ANKFY1: variants seen among roughly 807,000 people sequenced by gnomAD.
ANKFY1 encodes the protein ankyrin repeat and FYVE domain-containing protein 1.
In ANKFY1, 47 loss-of-function variants were observed where a neutral mutation model predicts 128.3. That is an observed-to-expected ratio of 0.37 (90% CI 0.29 to 0.47). The LOEUF is 0.47. Ranked by LOEUF, ANKFY1 falls within the 20% of genes least tolerant of loss-of-function variation. The probability of loss-of-function intolerance (pLI) is 1.00; values close to 1 mark genes in which losing one functional copy is unlikely to be tolerated. For missense variants in ANKFY1, 1,222 were observed against 1,510.6 expected (o/e 0.81, Z 3.17); for synonymous variants, 553 against 601.6 (o/e 0.92, Z 1.18).
At chr17:4,222,381 A>G in intron 3 of ANKFY1, 1 of 784,790 alleles carries the variant, frequency 1.3e-6, no homozygotes, top group Non-Finnish European at 2.4e-6. Context: ...TTAATCTGTT[A>G]GTACCCAGTG....
At chr17:4,224,968 G>A (rs2060399620) in intron 3 of ANKFY1, among the ~76,000 whole-genome samples, 1 of 149,290 alleles carries the variant, frequency 6.7e-6, no homozygotes. Context: ...AAATAAACTG[G>A]TAAATTTTGT....
chr17:4,235,733 C>G (rs767363125), intron 3 of ANKFY1, 39 bp downstream of exon 3: 1 of 1,449,550 alleles, frequency 6.9e-7, no homozygotes, highest in East Asian at 2.3e-5. Context: ...AGAGCCCTTC[C>G]GCTAGCAGTT....
chr17:4,243,079 TTTG>T lies in ANKFY1; in HGVS notation c.11-634_11-632del, dbSNP rs1178942031. On this transcript the variant is annotated intron_variant, in intron 1 of 24. Coordinates refer to ENST00000341657, the MANE Select transcript of ANKFY1 (RefSeq NM_001330063.2). ...TTTTTGTTTTTTGTTTGTTTGTTTGTTTGTTTGAGACAGAGTCTTGCTCTGTCA... is the reference window on the plus strand; with the variant it reads ...TTTTTGTTTTTTGTTTGTTTGTTTGTTTTGAGACAGAGTCTTGCTCTGTCA... Among the ~76,000 whole-genome samples, 813 of 152,238 alleles carry T rather than the reference TTTG, an allele frequency of 5.3e-3. 6 individuals are homozygous for T. Among genetic ancestry groups the T allele is most frequent in the African/African-American group, 0.018 (763 of 41,526 alleles).
intron 10 of ANKFY1, among the ~76,000 whole-genome samples, chr17:4,192,391 C>T (rs868479434): frequency 4.5e-5 from 6 of 133,370 alleles, no homozygotes; most frequent in Admixed American, 7.5e-5. Context: ...TAGTTGATGG[C>T]TGCTCTAATC....
At chr17:4,223,901 C>G in intron 3 of ANKFY1, 1 of 651,106 alleles carries the variant, frequency 1.5e-6, no homozygotes, top group Non-Finnish European at 2.6e-6. Context: ...AACACCACGC[C>G]AACAGAAGCA....
chr17:4,194,103 A>ATATATATAT (rs1555627694), intron 10 of ANKFY1, among the ~76,000 whole-genome samples: 2 of 108,162 alleles, frequency 1.8e-5, no homozygotes, highest in Admixed American at 1.1e-4. Flanking sequence ...ATATATATAT[A>ATATATATAT]TTTTTTTTTT....
intron 3 of ANKFY1, among the ~76,000 whole-genome samples, chr17:4,226,254 G>C (rs1013809349): frequency 2.0e-5 from 3 of 152,160 alleles, no homozygotes; most frequent in Admixed American, 6.5e-5. Flanking sequence ...ATGCATAGTG[G>C]ATATCGCCTG....
chr17:4,261,350 G>A (rs1216750826), intron 1 of ANKFY1, among the ~76,000 whole-genome samples: 2 of 152,204 alleles, frequency 1.3e-5, no homozygotes, highest in African/African-American at 2.4e-5. Context: ...TATGATGGCG[G>A]GTGCCTGTAA....
intron 2 of ANKFY1, among the ~76,000 whole-genome samples, chr17:4,241,148 C>T (rs528498235): frequency 6.6e-6 from 1 of 152,226 alleles, no homozygotes; most frequent in African/African-American, 2.4e-5. Flanking sequence ...TGATTTGATC[C>T]TCACAACAGC....
chr17:4,185,029 G>T lies in ANKFY1; in HGVS notation c.1488C>A (p.His496Gln). The T allele has an allele frequency of 6.2e-7, 1 of 1,613,166 alleles. No homozygotes were observed. Among genetic ancestry groups the T allele is most frequent in the Non-Finnish European group, 8.5e-7 (1 of 1,179,974 alleles). The change falls in exon 12 of 25, where the codon CAC (histidine) becomes CAA (glutamine). Residue 496 changes from histidine to glutamine, a missense_variant. By Grantham distance (24) the His-to-Gln change is conservative. Transcript: ENST00000341657. ...HRNKWGETPLHTACRHGLANL... is the reference protein window; with the variant it reads ...HRNKWGETPLQTACRHGLANL... ...TGGCCAGGCCATGCCGACACGCTGT[G>T]TGCAACGGGGTTTCTCCCTGAATGG...
intron 3 of ANKFY1, among the ~76,000 whole-genome samples, chr17:4,230,265 G>A (rs2060492673): frequency 6.6e-6 from 1 of 152,200 alleles, no homozygotes; most frequent in Non-Finnish European, 1.5e-5. Context: ...AAAGGAGGAT[G>A]TTTTCTGCTG....
Position 4,168,938 on chromosome 17 carries a change from C to G in ANKFY1, c.3377+260G>C. ...AGGCAGGAAGTCAGGAAGGATGGCACAGGCCTGGCAGGCTGCCTGGAAACT... is the reference window on the plus strand; with the variant it reads ...AGGCAGGAAGTCAGGAAGGATGGCAGAGGCCTGGCAGGCTGCCTGGAAACT... On this transcript the variant is annotated intron_variant, in intron 24 of 24. Coordinates refer to ENST00000341657, the MANE Select transcript of ANKFY1 (RefSeq NM_001330063.2). 6.3e-6 allele frequency: 3 copies of G among 473,890 alleles called. No individual in the cohort carries two copies. In the South Asian group the frequency reaches 8.5e-5, roughly 13 times the overall value. The allele number at this position is 473,890 out of a possible 1,614,324, so 29.4% of individuals were successfully genotyped here. A position where few individuals can be genotyped will look rare whatever the true frequency, so the allele number is the denominator to read the frequency against.
chr17:4,202,646 G>A (rs1266101569), intron 7 of ANKFY1, among the ~76,000 whole-genome samples: 3 of 127,722 alleles, frequency 2.3e-5, no homozygotes, highest in East Asian at 2.7e-4. Context: ...GCAGTGAGTC[G>A]AGATTGTGCC....
At chr17:4,231,800 G>A (rs963100493) in intron 3 of ANKFY1, among the ~76,000 whole-genome samples, 3 of 151,878 alleles carry the variant, frequency 2.0e-5, no homozygotes, top group Non-Finnish European at 4.4e-5. Flanking sequence ...AGACAGGCAT[G>A]GTAGCACACA....
At chr17:4,210,203 C>A (rs1321290254) in intron 4 of ANKFY1, among the ~76,000 whole-genome samples, 1 of 151,990 alleles carries the variant, frequency 6.6e-6, no homozygotes. Context: ...AGCATAATAC[C>A]CCAACTGCCT....
intron 2 of ANKFY1, among the ~76,000 whole-genome samples, chr17:4,241,526 G>A (rs1481354740): frequency 2.6e-5 from 4 of 151,220 alleles, no homozygotes; most frequent in African/African-American, 7.3e-5. Context: ...TGCCCACCTC[G>A]GCCTCCCAAA....
Position 4,181,405 on chromosome 17 carries a change from G to T in ANKFY1, c.2122-33C>A. The T allele has an allele frequency of 1.3e-6, 2 of 1,514,686 alleles. No homozygotes were observed. Among genetic ancestry groups the T allele is most frequent in the South Asian group, 1.1e-5 (1 of 89,098 alleles). The allele number at this position is 1,514,686 out of a possible 1,614,324, so 93.8% of individuals were successfully genotyped here. A position where few individuals can be genotyped will look rare whatever the true frequency, so the allele number is the denominator to read the frequency against. On this transcript the variant is annotated intron_variant, in intron 15 of 24. Transcript: ENST00000341657. The surrounding 1 kb of genome is among the most constrained non-coding windows in gnomAD (Gnocchi z 4.9). Reference sequence around the variant, plus strand: ...AAAACATAGGTTATTCACAAACACTGCTGAGCAAAGGCAAACAGTTTTATT... The same window carrying T: ...AAAACATAGGTTATTCACAAACACTTCTGAGCAAAGGCAAACAGTTTTATT...
chr17:4,170,799 C>A lies in ANKFY1; in HGVS notation c.3202G>T (p.Ala1068Ser), dbSNP rs773916502. The change falls in exon 23 of 25, where the codon GCT becomes TCT. Residue 1068 changes from alanine to serine, a missense_variant. By Grantham distance (99) the Ala-to-Ser change is moderately conservative. Coordinates refer to ENST00000341657, the MANE Select transcript of ANKFY1 (RefSeq NM_001330063.2). ...NLCRAIVRSG[A>S]RLGVNNNQGV... ...TGGTTGTTATTCACCCCGAGGCGAG[C>A]CCCCGACCGGACGATGGCGCGGCAC... 1.9e-5 allele frequency: 31 copies of A among 1,614,120 alleles called. No individual in the cohort carries two copies. Among genetic ancestry groups the A allele is most frequent in the Non-Finnish European group, 2.6e-5 (31 of 1,180,010 alleles).
intron 22 of ANKFY1, 39 bp downstream of exon 22, chr17:4,172,517 C>T (rs1403173999): frequency 8.8e-6 from 14 of 1,595,156 alleles, no homozygotes; most frequent in African/African-American, 1.3e-5. Context: ...AAGCAAGGTG[C>T]GCAAGTGAGA....
Sources: gnomAD v4.1 joint callset for allele counts (sites outside exome capture counted in the v4.1 genomes callset) on GRCh38, gnomAD v4.1.1 for gene constraint, Gnocchi (gnomAD v3.1) non-coding constraint, MANE v1.5 for transcripts, NCBI Gene and HGNC (gene_info 2026-07-23, HGNC 2026-07-21) for gene names.